PTPRE: variants seen among roughly 807,000 people sequenced by gnomAD.
PTPRE encodes protein tyrosine phosphatase receptor type E.
A neutral mutation model predicts 102.0 loss-of-function variants in PTPRE; 51 were observed. That is an observed-to-expected ratio of 0.50 (90% CI 0.40 to 0.63). The LOEUF (loss-of-function observed/expected upper bound fraction) is 0.63. PTPRE is among the 30% of genes least tolerant of loss of function. PTPRE has a pLI of 0.00. For missense variants in PTPRE, 752 were observed against 915.1 expected (o/e 0.82, Z 2.30); for synonymous variants, 345 against 348.2 (o/e 0.99, Z 0.10).
Position 128,008,942 on chromosome 10 carries a change from C to G in PTPRE, c.-8+26646C>G, listed in dbSNP as rs1844745789. On this transcript the variant is annotated intron_variant, in intron 2 of 20. Transcript: ENST00000254667. This position sits in a 1 kb window ranked among gnomAD's most constrained non-coding sequence, Gnocchi z 4.0. ...AGAGACAGAGAGAGGAGTCTCTGGT[C>G]TGGCTGGGGCTGGGTTACTTTGTTT... Among the ~76,000 whole-genome samples, 1 of 152,210 alleles carries G rather than the reference C, an allele frequency of 6.6e-6. No homozygotes were observed. Among genetic ancestry groups the G allele is most frequent in the Non-Finnish European group, 1.5e-5 (1 of 68,040 alleles).
chr10:127,966,584 G>A (rs1850270710), intron 1 of PTPRE, among the ~76,000 whole-genome samples: 1 of 152,108 alleles, frequency 6.6e-6, no homozygotes, highest in Admixed American at 6.5e-5. Flanking sequence ...CTGGGATGGG[G>A]GATTTTAGTT....
At chr10:128,062,015 CT>C (rs78047695) in intron 9 of PTPRE, among the ~76,000 whole-genome samples, 126,297 of 152,128 alleles carry the variant, frequency 0.83, 52,725 homozygotes, top group African/African-American at 0.91. Context: ...CCCTACATGG[CT>C]CCCCAAGTTT....
chr10:127,920,790 A>G (rs996021230), intron 1 of PTPRE, among the ~76,000 whole-genome samples: 2 of 152,252 alleles, frequency 1.3e-5, no homozygotes, highest in Non-Finnish European at 2.9e-5. Context: ...CTGAAAGCTC[A>G]GGTACAACTG....
intron 2 of PTPRE, among the ~76,000 whole-genome samples, chr10:128,036,940 G>T (rs921704889): frequency 3.3e-5 from 5 of 152,308 alleles, no homozygotes; most frequent in South Asian, 4.1e-4. Context: ...GCTATCCTGT[G>T]TCAGGAGCTG....
chr10:127,912,451 G>C (rs1045819638), intron 1 of PTPRE, among the ~76,000 whole-genome samples: 1 of 152,094 alleles, frequency 6.6e-6, no homozygotes, highest in Non-Finnish European at 1.5e-5. Context: ...ATTGTAACAA[G>C]TAACAAAAGG....
chr10:127,964,484 T>G (rs1850083868), intron 1 of PTPRE, among the ~76,000 whole-genome samples: 2 of 152,162 alleles, frequency 1.3e-5, no homozygotes, highest in Non-Finnish European at 2.9e-5. Flanking sequence ...TTTGCTTTTA[T>G]CAAATGTAAA....
intron 2 of PTPRE, chr10:127,999,968 A>T: frequency 1.0e-6 from 1 of 985,302 alleles, no homozygotes; most frequent in Non-Finnish European, 1.2e-6. Context: ...CTCTGTAAGT[A>T]TCCATGGATG....
chr10:128,038,306 G>A (rs955103662), intron 2 of PTPRE, among the ~76,000 whole-genome samples: 21 of 152,044 alleles, frequency 1.4e-4, no homozygotes, highest in Non-Finnish European at 4.4e-5. Context: ...CCCATTACTG[G>A]GTATATACCC....
chr10:127,918,588 T>C lies in PTPRE; in HGVS notation c.-31+11279T>C, dbSNP rs555294284. Among the ~76,000 whole-genome samples, 13 of 150,310 alleles carry C rather than the reference T, an allele frequency of 8.6e-5. No homozygotes were observed. In the South Asian group the frequency reaches 1.9e-3, roughly 22 times the overall value. ...AAAAAAAAAAAAGAGAGAAAATCTA[T>C]ATGGAAGAAATGAAAATTATTGAAG... On this transcript the variant is annotated intron_variant, in intron 1 of 20. Transcript: ENST00000254667.
intron 1 of PTPRE, among the ~76,000 whole-genome samples, chr10:127,971,460 C>A (rs374148373): frequency 2.6e-5 from 4 of 152,158 alleles, no homozygotes; most frequent in Non-Finnish European, 5.9e-5. Flanking sequence ...GTGGAGGAGT[C>A]GGTGAGATGA....
intron 2 of PTPRE, among the ~76,000 whole-genome samples, chr10:128,003,518 A>G (rs2135567100): frequency 6.6e-6 from 1 of 152,368 alleles, no homozygotes; most frequent in South Asian, 2.1e-4. Context: ...GAAAAAGAAA[A>G]AAAAGAAAGT....
intron 1 of PTPRE, among the ~76,000 whole-genome samples, chr10:127,971,674 C>G (rs1850750497): frequency 6.6e-6 from 1 of 152,226 alleles, no homozygotes; most frequent in South Asian, 2.1e-4. Context: ...GGAAAGCCTC[C>G]AGCGTGCGCG....
chr10:128,010,410 G>C (rs1844880635), intron 2 of PTPRE, among the ~76,000 whole-genome samples: 1 of 151,986 alleles, frequency 6.6e-6, no homozygotes, highest in African/African-American at 2.4e-5. Flanking sequence ...CCCTTTGCCG[G>C]GGCACAGATC....
intron 1 of PTPRE, among the ~76,000 whole-genome samples, chr10:127,926,409 C>T (rs991824883): frequency 9.9e-5 from 15 of 152,204 alleles, no homozygotes; most frequent in African/African-American, 4.8e-5. Context: ...AAGAAGCAGG[C>T]GCTGTGAGTT....
In PTPRE at chr10:128,028,165, A is replaced by G. The variant is rs1846426525; in HGVS notation, c.-7-12710A>G. 6.6e-6 allele frequency among the ~76,000 whole-genome samples: 1 copy of G among 152,194 alleles called. No homozygotes were observed. Among genetic ancestry groups the G allele is most frequent in the Non-Finnish European group, 1.5e-5 (1 of 68,044 alleles). ...AGCCTGCGGCAGACACATTATTCAC[A>G]GAACTTTCTCCAAAGGAGGTTAGCC... On this transcript the variant is annotated intron_variant, in intron 2 of 20. Transcript: ENST00000254667. The surrounding 1 kb of genome is among the most constrained non-coding windows in gnomAD (Gnocchi z 4.5).
intron 2 of PTPRE, among the ~76,000 whole-genome samples, chr10:127,985,306 G>T (rs1309897066): frequency 1.3e-5 from 2 of 152,228 alleles, no homozygotes; most frequent in Non-Finnish European, 2.9e-5. Context: ...CTATGGGCTG[G>T]GCGTGGTGGC....
At chr10:128,047,080 G>A (rs1848150382) in intron 3 of PTPRE, among the ~76,000 whole-genome samples, 1 of 152,206 alleles carries the variant, frequency 6.6e-6, no homozygotes, top group Admixed American at 6.5e-5. Context: ...CCCTTCTCCA[G>A]CTTCTTAGCA....
In PTPRE at chr10:128,066,056, A is replaced by G. The variant is rs756684835; in HGVS notation, c.724-19A>G. The G allele has an allele frequency of 7.4e-6, 12 of 1,614,134 alleles. No homozygotes were observed. The Admixed American group carries it at 1.8e-4, about 25-fold the overall frequency. The stretch of plus-strand genomic sequence containing the variant: ...TGCACCCACAGATCTATTTGCTTCT[A>G]TTAAATTGTTCCGTGCAGGAAAAGT... On this transcript the variant is annotated intron_variant, in intron 10 of 20. Coordinates refer to ENST00000254667, the MANE Select transcript of PTPRE (RefSeq NM_006504.6).
At position 128,021,250 on chromosome 10, in the gene PTPRE, C is replaced by T. The variant is rs115820935; in HGVS notation, c.-7-19625C>T. On this transcript the variant is annotated intron_variant, in intron 2 of 20. Transcript: ENST00000254667. ...GAACTCAATAAGAGATAATTTTGCA[C>T]ATCAGGCTAGACCCTGCATCTGAAG... is the stretch of plus-strand genomic sequence containing the variant. 1.9e-3 allele frequency among the ~76,000 whole-genome samples: 293 copies of T among 152,232 alleles called. 1 individual carries two copies. The highest frequency in any genetic ancestry group is 6.7e-3 in the African/African-American group (278 of 41,546).
Sources: allele counts gnomAD v4.1 joint callset (sites outside exome capture counted in the v4.1 genomes callset), GRCh38; gene constraint gnomAD v4.1.1; non-coding constraint Gnocchi (gnomAD v3.1); transcripts MANE v1.5; gene names NCBI Gene and HGNC (gene_info 2026-07-23, HGNC 2026-07-21).